The following ARHGEF3 variants were observed in gnomAD, a reference collection of about 807,000 sequenced individuals.
ARHGEF3 encodes the protein Rho guanine nucleotide exchange factor 3.
ARHGEF3 carries 28 observed loss-of-function variants against 63.2 expected under a neutral mutation model. The ratio of observed to expected loss-of-function variants is 0.44; its 90% confidence interval spans 0.33 to 0.61. The LOEUF (loss-of-function observed/expected upper bound fraction) is 0.61. ARHGEF3 is among the 20% of genes least tolerant of loss of function. ARHGEF3 has a pLI of 0.03. For synonymous variants in ARHGEF3, 266 were observed against 254.2 expected, an observed-to-expected ratio of 1.05 and a Z score of -0.44; for missense variants, 533 against 659.3, an observed-to-expected ratio of 0.81 and a Z score of 2.10.
intron 3 of ARHGEF3, among the ~76,000 whole-genome samples, chr3:56,939,320 T>C (rs1456531894): frequency 6.6e-6 from 1 of 152,214 alleles, no homozygotes; most frequent in Non-Finnish European, 1.5e-5. Flanking sequence ...GTTCTCGACA[T>C]CACCATCTCC....
intron 3 of ARHGEF3, among the ~76,000 whole-genome samples, chr3:56,897,389 T>C (rs995558202): frequency 6.6e-6 from 1 of 152,186 alleles, no homozygotes; most frequent in African/African-American, 2.4e-5. Context: ...GGAACTCTGG[T>C]TCCCTTTAGT....
intron 1 of ARHGEF3, among the ~76,000 whole-genome samples, chr3:56,780,007 A>G (rs978038283): frequency 6.6e-6 from 1 of 152,206 alleles, no homozygotes; most frequent in Non-Finnish European, 1.5e-5. Flanking sequence ...AGAACATCTT[A>G]TGAGAAAGCT....
chr3:56,948,077 C>T (rs1397796583), intron 3 of ARHGEF3, among the ~76,000 whole-genome samples: 1 of 151,932 alleles, frequency 6.6e-6, no homozygotes, highest in Non-Finnish European at 1.5e-5. Context: ...TCTTTGAAAC[C>T]AACGAGAACA....
At chr3:56,933,397 T>TTC (rs1459724490) in intron 3 of ARHGEF3, among the ~76,000 whole-genome samples, 1 of 151,138 alleles carries the variant, frequency 6.6e-6, no homozygotes, top group African/African-American at 2.4e-5. Flanking sequence ...TTCTTTTCTT[T>TTC]TTTTTTTTTT....
chr3:57,030,390 C>G (rs562923845), intron 2 of ARHGEF3, among the ~76,000 whole-genome samples: 1 of 152,310 alleles, frequency 6.6e-6, no homozygotes, highest in South Asian at 2.1e-4. Context: ...TGTATATAAT[C>G]CGTGCCTGGA....
rs527508142 is a variant in ARHGEF3 at position 56,889,267 on chromosome 3, T to C, written c.130-6913A>G. ...TTCGGTTGTCCTGGGGAAGATTCTC[T>C]GTGAAAAGCACTGATCCTATCCTTA... On this transcript the variant is annotated intron_variant, in intron 3 of 12. Coordinates refer to the ARHGEF3 transcript ENST00000338458. Among the ~76,000 whole-genome samples the C allele has an allele frequency of 2.0e-5, 3 of 152,312 alleles. No individual in the cohort carries two copies. The South Asian group carries it at 6.2e-4, about 32-fold the overall frequency.
chr3:57,025,664 G>A (rs1404773220), intron 2 of ARHGEF3, among the ~76,000 whole-genome samples: 1 of 152,150 alleles, frequency 6.6e-6, no homozygotes, highest in Non-Finnish European at 1.5e-5. Context: ...CAGCCATTCA[G>A]GGCTCCTTTC....
intron 3 of ARHGEF3, among the ~76,000 whole-genome samples, chr3:56,911,392 G>T (rs1020887669): frequency 3.3e-5 from 5 of 152,144 alleles, no homozygotes; most frequent in Non-Finnish European, 7.3e-5. Context: ...CAGAGCAAGG[G>T]TTGGCACACA....
intron 2 of ARHGEF3, among the ~76,000 whole-genome samples, chr3:56,986,601 T>C (rs765387973): frequency 6.6e-6 from 1 of 152,024 alleles, no homozygotes; most frequent in Non-Finnish European, 1.5e-5. Flanking sequence ...AAATCGAGTG[T>C]TCCAGGAGGA....
At chr3:56,881,415 G>T (rs779837042) in intron 4 of ARHGEF3, among the ~76,000 whole-genome samples, 8 of 152,140 alleles carry the variant, frequency 5.3e-5, no homozygotes, top group Admixed American at 3.9e-4. Context: ...CCCAGGGAGG[G>T]CCTGAATTCC....
intron 1 of ARHGEF3, among the ~76,000 whole-genome samples, chr3:56,800,986 T>A (rs1210846335): frequency 6.6e-6 from 1 of 152,216 alleles, no homozygotes; most frequent in African/African-American, 2.4e-5. Flanking sequence ...AAACATAACC[T>A]GGGAGCACTC....
intron 3 of ARHGEF3, chr3:56,916,336 C>T (rs1000780850): frequency 1.3e-6 from 2 of 1,535,518 alleles, no homozygotes; most frequent in Non-Finnish European, 1.7e-6. Flanking sequence ...GGCAGCACCA[C>T]ACCATGGGGC....
chr3:57,022,842 T>C (rs4681942), intron 2 of ARHGEF3, among the ~76,000 whole-genome samples: 40,020 of 151,974 alleles, frequency 0.26, 5,629 homozygotes, highest in Middle Eastern at 0.33. Context: ...ATCACCCACA[T>C]CTGTACTGAC....
At chr3:57,068,822 C>G (rs80242482) in intron 1 of ARHGEF3, among the ~76,000 whole-genome samples, 1 of 152,148 alleles carries the variant, frequency 6.6e-6, no homozygotes, top group African/African-American at 2.4e-5. Context: ...TGCACACACA[C>G]GCACACACCC....
chr3:57,019,358 A>G (rs1254067017), intron 2 of ARHGEF3, among the ~76,000 whole-genome samples: 4 of 151,986 alleles, frequency 2.6e-5, no homozygotes, highest in Non-Finnish European at 1.5e-5. Flanking sequence ...CCTGGACCCA[A>G]GTGTGTGCAC....
In ARHGEF3 at chr3:56,970,843, C is replaced by T. The variant is rs1700879124; in HGVS notation, c.63-11954G>A. Among the ~76,000 whole-genome samples the T allele has an allele frequency of 2.0e-5, 3 of 152,352 alleles. No individual in the cohort carries two copies. In the East Asian group the frequency reaches 5.8e-4, roughly 29 times the overall value. On this transcript the variant is annotated intron_variant, in intron 2 of 12. Transcript: ENST00000338458. ...AGCACAGAAGCTGGAGCCGGCTCTG[C>T]AACTCACCACCTGTGTAGCGCTGGA...
At chr3:56,842,755 G>A (rs1039382) in intron 4 of ARHGEF3, among the ~76,000 whole-genome samples, 6 of 152,162 alleles carry the variant, frequency 3.9e-5, no homozygotes, top group Non-Finnish European at 4.4e-5. Flanking sequence ...TCCCTAGGGT[G>A]GTCATAGCTG....
intron 4 of ARHGEF3, among the ~76,000 whole-genome samples, chr3:56,831,137 G>A (rs756294255): frequency 3.3e-5 from 5 of 152,228 alleles, no homozygotes; most frequent in African/African-American, 4.8e-5. Flanking sequence ...ATTTACTGAT[G>A]AAGTAACTGG....
intron 1 of ARHGEF3, among the ~76,000 whole-genome samples, chr3:57,068,651 C>T (rs898364780): frequency 6.6e-6 from 1 of 152,180 alleles, no homozygotes; most frequent in Non-Finnish European, 1.5e-5. Flanking sequence ...GTCCTCCCCA[C>T]CCCCTTGGGA....
Sources: gnomAD v4.1 joint callset for allele counts (sites outside exome capture counted in the v4.1 genomes callset) on GRCh38, gnomAD v4.1.1 for gene constraint, MANE v1.5 for transcripts, NCBI Gene and HGNC (gene_info 2026-07-23, HGNC 2026-07-21) for gene names.